Variants in FNTB observed in about 807,000 individuals in gnomAD.
The protein encoded by FNTB is protein farnesyltransferase subunit beta.
In FNTB, 27 loss-of-function variants were observed where a neutral mutation model predicts 59.4. The observed-to-expected ratio is 0.45, with a 90% CI of 0.34 to 0.63. The LOEUF (loss-of-function observed/expected upper bound fraction) is 0.63. FNTB is among the 20% of genes least tolerant of loss of function. The pLI is 0.02. For synonymous variants in FNTB, 230 were observed against 220.7 expected, an observed-to-expected ratio of 1.04 and a Z score of -0.37; for missense variants, 449 against 559.6, an observed-to-expected ratio of 0.80 and a Z score of 1.99.
intron 1 of FNTB, among the ~76,000 whole-genome samples, chr14:65,003,162 G>A (rs1290072743): frequency 1.3e-5 from 2 of 152,190 alleles, no homozygotes; most frequent in African/African-American, 4.8e-5. Context: ...TTTGTGACCT[G>A]ACTTTCTGAG....
In FNTB at chr14:65,044,753, G is replaced by A. The variant is rs564836861; in HGVS notation, c.955+310G>A. On this transcript the variant is annotated intron_variant, in intron 9 of 11. Transcript: ENST00000246166. The surrounding 1 kb of genome is among the most constrained non-coding windows in gnomAD (Gnocchi z 5.5). Reference sequence around the variant, plus strand: ...TATCTGGAAGGAGCAGCCCACTCCTGTCCTGGGCTCTGTGGTGATTGCCAC... The same window carrying A: ...TATCTGGAAGGAGCAGCCCACTCCTATCCTGGGCTCTGTGGTGATTGCCAC... 2.8e-6 allele frequency: 1 copy of A among 355,896 alleles called. No individual in the cohort carries two copies. Among genetic ancestry groups the A allele is most frequent in the East Asian group, 7.3e-5 (1 of 13,662 alleles). 22.0% of individuals were successfully genotyped at this position (355,896 alleles called of 1,614,324 possible).
At chr14:65,016,096 T>C (rs1449296753) in intron 4 of FNTB, among the ~76,000 whole-genome samples, 2 of 152,200 alleles carry the variant, frequency 1.3e-5, no homozygotes, top group South Asian at 2.1e-4. Context: ...TGAACAAAAA[T>C]GCCTTTGCCT....
rs777849808 is a variant in FNTB at position 64,987,139 on chromosome 14, CT to C, written c.144+43del. 1,281 of 1,610,438 alleles carry C rather than the reference CT, an allele frequency of 8.0e-4. 1 individual carries two copies. The highest frequency in any genetic ancestry group is 1.0e-3 in the Non-Finnish European group (1,217 of 1,178,240). On this transcript the variant is annotated intron_variant, in intron 1 of 11. Transcript: ENST00000246166. ...GGGCGAGGCGCCCGCGCGATGTGTT[CT>C]GGGAGCGCGAGTCCCGTTCGTAGGG...
intron 4 of FNTB, among the ~76,000 whole-genome samples, chr14:65,020,738 T>G (rs2061870791): frequency 6.7e-6 from 1 of 148,850 alleles, no homozygotes; most frequent in African/African-American, 2.5e-5. Flanking sequence ...CCGGCCTTTT[T>G]TTTTTTTTTT....
chr14:65,006,156 C>CTTTTTTTT (rs367570902), intron 2 of FNTB: 11 of 1,501,220 alleles, frequency 7.3e-6, no homozygotes, highest in African/African-American at 3.0e-5. Flanking sequence ...ACCTTTGTGT[C>CTTTTTTTT]TTTTTTTTTT....
At chr14:65,058,110 C>CT (rs568696633) in intron 11 of FNTB, among the ~76,000 whole-genome samples, 79 of 147,410 alleles carry the variant, frequency 5.4e-4, no homozygotes, top group Non-Finnish European at 6.2e-4. Context: ...AGAGAACCAA[C>CT]TTTTTTTTTT....
chr14:65,025,815 C>G (rs1413363982), intron 4 of FNTB, among the ~76,000 whole-genome samples: 1 of 152,146 alleles, frequency 6.6e-6, no homozygotes, highest in East Asian at 1.9e-4. Flanking sequence ...GACCCTCTCT[C>G]AAAATCAAAA....
intron 2 of FNTB, chr14:65,006,156 C>CTTTTTTTTTTTTTT: frequency 1.3e-6 from 2 of 1,500,752 alleles, no homozygotes; most frequent in Non-Finnish European, 1.8e-6. Flanking sequence ...ACCTTTGTGT[C>CTTTTTTTTTTTTTT]TTTTTTTTTT....
chr14:65,018,581 C>T (rs992582697), intron 4 of FNTB, among the ~76,000 whole-genome samples: 1 of 150,886 alleles, frequency 6.6e-6, no homozygotes, highest in Non-Finnish European at 1.5e-5. Flanking sequence ...AGGCCAAGGT[C>T]GGCAGATCAC....
intron 1 of FNTB, among the ~76,000 whole-genome samples, chr14:64,998,957 G>T (rs1295748109): frequency 6.6e-6 from 1 of 152,218 alleles, no homozygotes; most frequent in Non-Finnish European, 1.5e-5. Flanking sequence ...AAATGTGATA[G>T]ATCTACACAG....
Position 64,987,085 on chromosome 14 carries a change from G to T in FNTB, c.132G>T (p.Thr44=). Residue 44 remains threonine (T), a synonymous_variant, in exon 1 of 12, where the codon ACG becomes ACT. Coordinates refer to ENST00000246166, the MANE Select transcript of FNTB (RefSeq NM_002028.4). ...RLQDDSVETV[T]SIEQAKVEEK... Reference sequence around the variant, plus strand: ...AGGACGACTCGGTGGAAACAGTCACGTCCATAGAACAGGTGAGGTGGCAGG... The same window carrying T: ...AGGACGACTCGGTGGAAACAGTCACTTCCATAGAACAGGTGAGGTGGCAGG... 1 of 1,614,216 alleles carries T rather than the reference G, an allele frequency of 6.2e-7. No individual in the cohort carries two copies. Among genetic ancestry groups the T allele is most frequent in the South Asian group, 1.1e-5 (1 of 91,084 alleles).
Position 65,054,496 on chromosome 14 carries a change from G to T in FNTB, c.1068-79G>T, listed in dbSNP as rs907131695. The stretch of plus-strand genomic sequence containing the variant: ...GGGGGGACGTGTGATTGCACCAGTG[G>T]TCTCTGAATTGGTGTGGCTACATTT... On this transcript the variant is annotated intron_variant, in intron 10 of 11. Coordinates refer to ENST00000246166, the MANE Select transcript of FNTB (RefSeq NM_002028.4). The surrounding 1 kb of genome is among the most constrained non-coding windows in gnomAD (Gnocchi z 4.4). 5 of 1,394,242 alleles carry T rather than the reference G, an allele frequency of 3.6e-6. No individual in the cohort carries two copies. The highest frequency in any genetic ancestry group is 4.0e-6 in the Non-Finnish European group (4 of 1,010,148). The allele number at this position is 1,394,242 out of a possible 1,614,324, so 86.4% of individuals were successfully genotyped here.
chr14:64,993,948 T>G (rs1281154847), intron 1 of FNTB, among the ~76,000 whole-genome samples: 1 of 152,086 alleles, frequency 6.6e-6, no homozygotes, highest in African/African-American at 2.4e-5. Context: ...CTCCGCCTCC[T>G]GGGTTCAAGC....
Position 65,061,369 on chromosome 14 carries a change from A to G in FNTB, c.*57A>G. 1 of 1,607,288 alleles carries G rather than the reference A, an allele frequency of 6.2e-7. No homozygotes were observed. The highest frequency in any genetic ancestry group is 8.5e-7 in the Non-Finnish European group (1 of 1,177,702). Reference sequence around the variant, plus strand: ...CCATCTCCCCAGTCAGACAAGGTTTATACGTTTCAATACATACTGCATTCT... The same window carrying G: ...CCATCTCCCCAGTCAGACAAGGTTTGTACGTTTCAATACATACTGCATTCT... On this transcript the variant is annotated 3_prime_UTR_variant, in exon 12 of 12. Coordinates refer to ENST00000246166, the MANE Select transcript of FNTB (RefSeq NM_002028.4).
Position 65,054,529 on chromosome 14 carries a change from T to G in FNTB, c.1068-46T>G, listed in dbSNP as rs749685140. 1.1e-5 allele frequency: 17 copies of G among 1,567,334 alleles called. No homozygotes were observed. The highest frequency in any genetic ancestry group is 1.5e-5 in the Non-Finnish European group (17 of 1,150,476). The stretch of plus-strand genomic sequence containing the variant: ...ATTGGTGTGGCTACATTTGTAGATG[T>G]GTGCGGAGCAGAGGAGCGCCTGCTC... On this transcript the variant is annotated intron_variant, in intron 10 of 11. Coordinates refer to ENST00000246166, the MANE Select transcript of FNTB (RefSeq NM_002028.4). The surrounding 1 kb of genome is among the most constrained non-coding windows in gnomAD (Gnocchi z 4.4).
intron 1 of FNTB, 116 bp downstream of exon 1, chr14:64,987,213 C>A: frequency 7.9e-7 from 1 of 1,259,570 alleles, no homozygotes; most frequent in Non-Finnish European, 1.1e-6. Flanking sequence ...CCACAGCGCA[C>A]CGCGGTGCCT....
chr14:64,992,626 A>AC (rs1188034874), intron 1 of FNTB, among the ~76,000 whole-genome samples: 1 of 152,082 alleles, frequency 6.6e-6, no homozygotes, highest in African/African-American at 2.4e-5. Flanking sequence ...ATAACATTAG[A>AC]CTTTTTTTTT....
chr14:64,991,478 C>T lies in FNTB; in HGVS notation c.144+4381C>T, dbSNP rs1246209490. ...AATTAGCTAGGCGTGGTGGTGTGCA[C>T]CTGTAATACCAGCTACTCAGGACAC... On this transcript the variant is annotated intron_variant, in intron 1 of 11. Coordinates refer to ENST00000246166, the MANE Select transcript of FNTB (RefSeq NM_002028.4). This position sits in a 1 kb window ranked among gnomAD's most constrained non-coding sequence, Gnocchi z 4.4. Among the ~76,000 whole-genome samples the T allele has an allele frequency of 1.3e-5, 2 of 152,050 alleles. No individual in the cohort carries two copies. Among genetic ancestry groups the T allele is most frequent in the Admixed American group, 1.3e-4 (2 of 15,270 alleles).
intron 7 of FNTB, among the ~76,000 whole-genome samples, chr14:65,040,310 T>C (rs1375203365): frequency 2.0e-5 from 3 of 149,334 alleles, no homozygotes; most frequent in Non-Finnish European, 4.4e-5. Flanking sequence ...TATATATGTG[T>C]ATATATGTAC....
Sources: gnomAD v4.1 joint callset for allele counts (sites outside exome capture counted in the v4.1 genomes callset) on GRCh38, gnomAD v4.1.1 for gene constraint, Gnocchi (gnomAD v3.1) non-coding constraint, MANE v1.5 for transcripts, NCBI Gene and HGNC (gene_info 2026-07-23, HGNC 2026-07-21) for gene names.